EPHX3: variants seen among roughly 807,000 people sequenced by gnomAD.
EPHX3 encodes the protein epoxide hydrolase 3.
Under a neutral mutation model 40.2 loss-of-function variants are expected in EPHX3, and 39 were observed. The ratio of observed to expected loss-of-function variants is 0.97; its 90% CI spans 0.75 to 1.27. The LOEUF is 1.27. Ranked by LOEUF, EPHX3 falls within the 50% of genes most tolerant of loss-of-function variation. The probability of loss-of-function intolerance (pLI) is 0.00; values close to 1 mark genes in which losing one functional copy is unlikely to be tolerated. For missense variants in EPHX3, 442 were observed against 474.0 expected (o/e 0.93, Z 0.63); for synonymous variants, 213 against 209.7 (o/e 1.02, Z -0.14).
Position 15,232,322 on chromosome 19 carries a change from T to A in EPHX3, c.-111A>T. 7.2e-7 allele frequency: 1 copy of A among 1,379,348 alleles called. No homozygotes were observed. Among genetic ancestry groups the A allele is most frequent in the African/African-American group, 1.5e-5 (1 of 65,026 alleles). The allele number at this position is 1,379,348 out of a possible 1,614,324, so 85.4% of individuals were successfully genotyped here. On this transcript the variant is annotated 5_prime_UTR_variant, in exon 1 of 7. Transcript: ENST00000221730. ...TCGCCCTTGGCCTGGGGCCCCTCCG[T>A]GCCGTCGGGATTTGTGGGACGCGCT...
Position 15,227,548 on chromosome 19 carries a change from C to G in EPHX3, c.972G>C (p.Pro324=), listed in dbSNP as rs137968198. The change falls in exon 7 of 7, where the codon CCG becomes CCC. Residue 324 remains proline (P), a synonymous_variant. Coordinates refer to ENST00000221730, the MANE Select transcript of EPHX3 (RefSeq NM_024794.3). ...GCAGGATGTGGGCCTCCAAGCGGCC[C>G]GGCACAAAGCGGCTGCCGATGGCTT... ...LVEAIGSRFV[P]GRLEAHILPG... is the part of the protein sequence containing the mutation. The G allele has an allele frequency of 1.9e-6, 3 of 1,614,014 alleles. No homozygotes were observed. Among genetic ancestry groups the G allele is most frequent in the South Asian group, 2.2e-5 (2 of 91,086 alleles).
upstream of EPHX3, among the ~76,000 whole-genome samples, chr19:15,232,637 T>G (rs1226407852): frequency 1.3e-5 from 2 of 148,920 alleles, no homozygotes; most frequent in African/African-American, 2.5e-5. Context: ...AGCACTTTGG[T>G]AGGCCGAGGC....
At chr19:15,234,281 G>A (rs898076165), upstream of EPHX3, among the ~76,000 whole-genome samples, 1 of 152,202 alleles carries the variant, frequency 6.6e-6, no homozygotes, top group African/African-American at 2.4e-5. Flanking sequence ...CCGCAAAGAT[G>A]TAGGGAAAAA....
intron 1 of EPHX3, 51 bp from the exon 2 acceptor site, chr19:15,231,912 T>G (rs1462769038): frequency 2.4e-5 from 39 of 1,612,756 alleles, no homozygotes; most frequent in Non-Finnish European, 3.3e-5. Flanking sequence ...TCCCGAGGCT[T>G]GAACCGTCTC....
At chr19:15,231,433 C>CCA (rs775293989) in intron 2 of EPHX3, 37 bp from the exon 3 acceptor site, 1 of 1,605,134 alleles carries the variant, frequency 6.2e-7, no homozygotes. Context: ...TGAGTCAGGG[C>CCA]CCTCAGGTTG....
chr19:15,228,557 C>T (rs1169897905), intron 4 of EPHX3, among the ~76,000 whole-genome samples: 2 of 119,742 alleles, frequency 1.7e-5, no homozygotes, highest in Admixed American at 1.2e-4. Flanking sequence ...CTCGCTCTGT[C>T]GCCCAGGCTG....
upstream of EPHX3, among the ~76,000 whole-genome samples, chr19:15,234,041 C>T (rs775740538): frequency 6.8e-6 from 1 of 146,884 alleles, no homozygotes; most frequent in Non-Finnish European, 1.5e-5. Flanking sequence ...GCCAGGGCGA[C>T]AGAGCGAGAC....
upstream of EPHX3, among the ~76,000 whole-genome samples, chr19:15,234,648 T>C (rs943119162): frequency 6.6e-6 from 1 of 152,174 alleles, no homozygotes; most frequent in African/African-American, 2.4e-5. Context: ...ACTGACTTGC[T>C]CACATCACTA....
chr19:15,229,008 A>G (rs1193112442), intron 4 of EPHX3, among the ~76,000 whole-genome samples: 1 of 151,864 alleles, frequency 6.6e-6, no homozygotes, highest in Non-Finnish European at 1.5e-5. Flanking sequence ...AAAACAAAAC[A>G]CAAAAAAAGA....
At chr19:15,234,496 C>T (rs2047177435), upstream of EPHX3, among the ~76,000 whole-genome samples, 2 of 152,100 alleles carry the variant, frequency 1.3e-5, no homozygotes, top group East Asian at 1.9e-4. Context: ...TTCAGAGAGA[C>T]GACTTGCTAT....
chr19:15,235,032 C>T (rs1404981684), upstream of EPHX3, among the ~76,000 whole-genome samples: 2 of 152,136 alleles, frequency 1.3e-5, no homozygotes, highest in African/African-American at 4.8e-5. Flanking sequence ...ATGGGAGTCT[C>T]ACCATATCAC....
At chr19:15,230,230 G>A (rs999246687) in intron 4 of EPHX3, among the ~76,000 whole-genome samples, 4 of 152,052 alleles carry the variant, frequency 2.6e-5, no homozygotes, top group Admixed American at 2.6e-4. Context: ...GTGCAGTGGT[G>A]CGATCTTGGC....
In EPHX3 at chr19:15,230,343, G is replaced by C. The variant is rs1192568125; in HGVS notation, c.616+619C>G. Reference sequence around the variant, plus strand: ...ACTACCATGCCTGGCTGATTTTTTTGTATTTTTAGTAGAGACGGGGTTTCA... The same window carrying C: ...ACTACCATGCCTGGCTGATTTTTTTCTATTTTTAGTAGAGACGGGGTTTCA... On this transcript the variant is annotated intron_variant, in intron 4 of 6. Transcript: ENST00000221730. Among the ~76,000 whole-genome samples the C allele has an allele frequency of 4.0e-5, 6 of 149,502 alleles. No individual in the cohort carries two copies. The East Asian group carries it at 1.2e-3, about 30-fold the overall frequency.
At chr19:15,233,492 C>T (rs1247514206), upstream of EPHX3, 1 of 152,390 alleles carries the variant, frequency 6.6e-6, no homozygotes, top group Non-Finnish European at 1.5e-5. Context: ...CGCCAGCCCG[C>T]CCCTGTACGT....
intron 2 of EPHX3, 144 bp downstream of exon 2, chr19:15,231,632 C>T: frequency 1.0e-6 from 1 of 988,610 alleles, no homozygotes; most frequent in Non-Finnish European, 1.5e-6. Flanking sequence ...GCCTAGGGAT[C>T]CTGGGTATGC....
upstream of EPHX3, chr19:15,236,962 T>C (rs976494190): frequency 4.9e-6 from 1 of 203,892 alleles, no homozygotes; most frequent in Non-Finnish European, 9.9e-6. Flanking sequence ...CGTCGTGGTG[T>C]AGAGTGGGTT....
In EPHX3 at chr19:15,228,032, G is replaced by A; in HGVS notation, c.685C>T (p.Leu229=). Residue 229 remains leucine, a synonymous_variant, in exon 5 of 7, where the codon CTG becomes TTG. Coordinates refer to ENST00000221730, the MANE Select transcript of EPHX3 (RefSeq NM_024794.3). Reference sequence around the variant, plus strand: ...GACATAGACAGCAGCTTCTCGGGCAGCCAGGGCAGCTGGAACAGGAACATG... The same window carrying A: ...GACATAGACAGCAGCTTCTCGGGCAACCAGGGCAGCTGGAACAGGAACATG... The part of the protein sequence containing the change: ...HYMFLFQLPW[L]PEKLLSMSDF... The A allele has an allele frequency of 1.3e-6, 2 of 1,585,566 alleles. No individual in the cohort carries two copies. The highest frequency in any genetic ancestry group is 1.1e-5 in the South Asian group (1 of 90,754).
intron 4 of EPHX3, among the ~76,000 whole-genome samples, chr19:15,230,492 T>G (rs544828346): frequency 5.3e-5 from 8 of 152,100 alleles, no homozygotes; most frequent in Admixed American, 3.9e-4. Context: ...TATTTATTTA[T>G]TTTTTGAGAT....
At chr19:15,231,512 G>A (rs2047154194) in intron 2 of EPHX3, 116 bp from the exon 3 acceptor site, 2 of 1,329,954 alleles carry the variant, frequency 1.5e-6, no homozygotes, top group Non-Finnish European at 2.0e-6. Flanking sequence ...TCCCCTAAAA[G>A]GAGGATGGGG....
Sources: gnomAD v4.1 joint callset for allele counts (sites outside exome capture counted in the v4.1 genomes callset) on GRCh38, gnomAD v4.1.1 for gene constraint, MANE v1.5 for transcripts, NCBI Gene and HGNC (gene_info 2026-07-23, HGNC 2026-07-21) for gene names.